TOP1: variants seen among roughly 807,000 people sequenced by gnomAD.
TOP1 encodes DNA topoisomerase I.
Under a neutral mutation model 111.1 loss-of-function variants are expected in TOP1, and 10 were observed. The ratio of observed to expected loss-of-function variants is 0.09; its 90% confidence interval spans 0.06 to 0.15. TOP1 has a LOEUF of 0.15. TOP1 is among the 10% of genes least tolerant of loss of function. The pLI, the probability that TOP1 is intolerant of heterozygous loss-of-function variation, is 1.00. For synonymous variants in TOP1, 271 were observed against 302.9 expected (o/e 0.89, Z 1.10); for missense variants, 474 against 926.7 (o/e 0.51, Z 6.34).
chr20:41,076,092 G>A (rs1314774683), intron 3 of TOP1, 79 bp from the exon 4 acceptor site: 2 of 1,490,420 alleles, frequency 1.3e-6, no homozygotes, highest in East Asian at 4.6e-5. Flanking sequence ...CACGGTTCAT[G>A]TTATCTTAGG....
intron 7 of TOP1, 52 bp from the exon 8 acceptor site, chr20:41,084,410 A>T (rs1405620228): frequency 1.7e-6 from 2 of 1,193,176 alleles, no homozygotes; most frequent in African/African-American, 1.6e-5. Context: ...AACTGCCTCC[A>T]GAAGTGTGAT....
Position 41,029,737 on chromosome 20 carries a change from A to G in TOP1, c.58+282A>G. 1 of 530,062 alleles carries G rather than the reference A, an allele frequency of 1.9e-6. No individual in the cohort carries two copies. Among genetic ancestry groups the G allele is most frequent in the Non-Finnish European group, 3.4e-6 (1 of 293,282 alleles). 32.8% of individuals were successfully genotyped at this position (530,062 alleles called of 1,614,324 possible). Reference sequence around the variant, plus strand: ...TCCGGGCCGGGATTCCTCCCGGGAAAGTCGCCTTGTCGACGGTCGGGACTT... The same window carrying G: ...TCCGGGCCGGGATTCCTCCCGGGAAGGTCGCCTTGTCGACGGTCGGGACTT... On this transcript the variant is annotated intron_variant, in intron 2 of 20. Coordinates refer to ENST00000361337, the MANE Select transcript of TOP1 (RefSeq NM_003286.4). The surrounding 1 kb of genome is among the most constrained non-coding windows in gnomAD (Gnocchi z 6.1).
rs371154617 is a variant in TOP1, at chr20:41,097,742, C to T, written c.852+401C>T. On this transcript the variant is annotated intron_variant, in intron 10 of 20. Transcript: ENST00000361337. The surrounding 1 kb of genome is among the most constrained non-coding windows in gnomAD (Gnocchi z 4.2). ...TTTTAGGTACTTTCTACTCTTGAAA[C>T]CACATATACTATATTTGCCTAGGTG... Among the ~76,000 whole-genome samples, 3 of 152,202 alleles carry T rather than the reference C, an allele frequency of 2.0e-5. No homozygotes were observed. Among genetic ancestry groups the T allele is most frequent in the African/African-American group, 7.2e-5 (3 of 41,456 alleles).
chr20:41,086,028 C>T (rs1376606654), intron 8 of TOP1, among the ~76,000 whole-genome samples: 9 of 152,102 alleles, frequency 5.9e-5, no homozygotes, highest in Admixed American at 5.2e-4. Context: ...TTTGGGAGGC[C>T]GAGGCTGGTG....
rs1182294326 is a variant in TOP1, at chr20:41,121,891, GT to G, written c.2045+102del. On this transcript the variant is annotated intron_variant, in intron 19 of 20. Transcript: ENST00000361337. This position sits in a 1 kb window ranked among gnomAD's most constrained non-coding sequence, Gnocchi z 4.2. ...GGCTTTTCGATGGTTTCTGAGAAAT[GT>G]CTTTTGGAAATCTCTATACTAGGGC... 19 of 1,556,918 alleles carry G rather than the reference GT, an allele frequency of 1.2e-5. No individual in the cohort carries two copies. The highest frequency in any genetic ancestry group is 1.7e-5 in the Non-Finnish European group (19 of 1,140,438).
chr20:41,053,459 T>G (rs1443409674), intron 2 of TOP1, among the ~76,000 whole-genome samples: 2 of 152,092 alleles, frequency 1.3e-5, no homozygotes, highest in African/African-American at 4.8e-5. Flanking sequence ...ACTCTTAGAC[T>G]TTTTTTCCCC....
intron 3 of TOP1, among the ~76,000 whole-genome samples, chr20:41,073,658 T>C (rs1163579547): frequency 6.6e-6 from 1 of 152,228 alleles, no homozygotes; most frequent in Non-Finnish European, 1.5e-5. Flanking sequence ...ATCCCAGCTT[T>C]TCTTTTAACA....
chr20:41,116,816 C>T lies in TOP1; in HGVS notation c.1822+424C>T, dbSNP rs1477248260. Among the ~76,000 whole-genome samples, 4 of 152,064 alleles carry T rather than the reference C, an allele frequency of 2.6e-5. No individual in the cohort carries two copies. The East Asian group carries it at 7.7e-4, about 29-fold the overall frequency. ...TTTTTTTCCCATAAGAGAGTAGATA[C>T]TTTCTATAGCTGATTTTTAGAATAT... On this transcript the variant is annotated intron_variant, in intron 17 of 20. Coordinates refer to ENST00000361337, the MANE Select transcript of TOP1 (RefSeq NM_003286.4). This position sits in a 1 kb window ranked among gnomAD's most constrained non-coding sequence, Gnocchi z 5.6.
rs1171119780 is a variant in TOP1 at position 41,079,887 on chromosome 20, C to T, written c.336-198C>T. Among the ~76,000 whole-genome samples, 1 of 152,232 alleles carries T rather than the reference C, an allele frequency of 6.6e-6. No homozygotes were observed. Among genetic ancestry groups the T allele is most frequent in the African/African-American group, 2.4e-5 (1 of 41,450 alleles). On this transcript the variant is annotated intron_variant, in intron 5 of 20. Coordinates refer to ENST00000361337, the MANE Select transcript of TOP1 (RefSeq NM_003286.4). The surrounding 1 kb of genome is among the most constrained non-coding windows in gnomAD (Gnocchi z 4.0). ...ATCCCAAATCCTGATATTGCCCATT[C>T]ACCTGTACAATGAGGACAAATACTA... is the stretch of plus-strand genomic sequence containing the variant.
Position 41,106,563 on chromosome 20 carries a change from G to A in TOP1, c.1308+5210G>A, listed in dbSNP as rs1172778053. Reference sequence around the variant, plus strand: ...CTCCATTAATTCATGTCTTTTGAATGTATCCACCAATATGGTTTTGTAATT... The same window carrying A: ...CTCCATTAATTCATGTCTTTTGAATATATCCACCAATATGGTTTTGTAATT... On this transcript the variant is annotated intron_variant, in intron 13 of 20. Transcript: ENST00000361337. The surrounding 1 kb of genome is among the most constrained non-coding windows in gnomAD (Gnocchi z 4.3). 1.3e-5 allele frequency among the ~76,000 whole-genome samples: 2 copies of A among 152,090 alleles called. No individual in the cohort carries two copies. Among genetic ancestry groups the A allele is most frequent in the African/African-American group, 2.4e-5 (1 of 41,406 alleles).
intron 2 of TOP1, among the ~76,000 whole-genome samples, chr20:41,045,774 T>C (rs1206838109): frequency 6.6e-6 from 1 of 152,222 alleles, no homozygotes; most frequent in East Asian, 1.9e-4. Flanking sequence ...GAATCAAAGA[T>C]TGTAGACTAC....
At position 41,115,199 on chromosome 20, in the gene TOP1, A is replaced by T. The variant is rs894719926; in HGVS notation, c.1639-172A>T. 6.6e-6 allele frequency among the ~76,000 whole-genome samples: 1 copy of T among 152,124 alleles called. No individual in the cohort carries two copies. The highest frequency in any genetic ancestry group is 1.5e-5 in the Non-Finnish European group (1 of 68,032). On this transcript the variant is annotated intron_variant, in intron 15 of 20. Transcript: ENST00000361337. This position sits in a 1 kb window ranked among gnomAD's most constrained non-coding sequence, Gnocchi z 6.3. ...ATACACATGGAGAGAGTGAGCATAC[A>T]TGCACACTGTGCAAATGATGAATGG...
rs1321933710 is a variant in TOP1 at position 41,094,511 on chromosome 20, C to T, written c.730+1924C>T. Among the ~76,000 whole-genome samples, 1 of 152,160 alleles carries T rather than the reference C, an allele frequency of 6.6e-6. No individual in the cohort carries two copies. The highest frequency in any genetic ancestry group is 1.5e-5 in the Non-Finnish European group (1 of 68,028). On this transcript the variant is annotated intron_variant, in intron 9 of 20. Transcript: ENST00000361337. This position sits in a 1 kb window ranked among gnomAD's most constrained non-coding sequence, Gnocchi z 4.4. ...TTCTCTTCCTTTTCAAGATAGGAAG[C>T]AGAGGCCTGGTCTAGTTCACAGGTT...
intron 2 of TOP1, among the ~76,000 whole-genome samples, chr20:41,054,347 A>G (rs1286120197): frequency 6.7e-6 from 1 of 148,528 alleles, no homozygotes; most frequent in African/African-American, 2.5e-5. Context: ...CCTTGCTGCC[A>G]TCATTTGAAG....
intron 14 of TOP1, among the ~76,000 whole-genome samples, 155 bp from the exon 15 acceptor site, chr20:41,113,815 G>A (rs1322944892): frequency 1.3e-5 from 2 of 151,048 alleles, no homozygotes; most frequent in East Asian, 1.9e-4. Flanking sequence ...CCCGGGAGAC[G>A]GAGCTTGCAG....
chr20:41,050,478 C>G (rs1600559658), intron 2 of TOP1, among the ~76,000 whole-genome samples: 2 of 152,332 alleles, frequency 1.3e-5, no homozygotes, highest in South Asian at 4.1e-4. Context: ...TGGAAATGTT[C>G]TCCTTGAGAA....
At chr20:41,042,618 A>T (rs1300111487) in intron 2 of TOP1, among the ~76,000 whole-genome samples, 1 of 152,228 alleles carries the variant, frequency 6.6e-6, no homozygotes, top group African/African-American at 2.4e-5. Context: ...TACTGATTGA[A>T]ATGGAAGCAT....
Position 41,116,212 on chromosome 20 carries a change from C to A in TOP1, c.1708-66C>A. 9.6e-7 allele frequency: 1 copy of A among 1,044,658 alleles called. No individual in the cohort carries two copies. The highest frequency in any genetic ancestry group is 1.5e-6 in the Non-Finnish European group (1 of 676,332). 64.7% of individuals were successfully genotyped at this position (1,044,658 alleles called of 1,614,324 possible). ...TGTGACTGCACTGGCATAAATTACT[C>A]CTAGGGCTGCCAGAAGGAGCAGGTA... On this transcript the variant is annotated intron_variant, in intron 16 of 20. Coordinates refer to ENST00000361337, the MANE Select transcript of TOP1 (RefSeq NM_003286.4). This position sits in a 1 kb window ranked among gnomAD's most constrained non-coding sequence, Gnocchi z 5.6.
At position 41,118,362 on chromosome 20, in the gene TOP1, C is replaced by A. The variant is rs2145970534; in HGVS notation, c.1950+66C>A. The A allele has an allele frequency of 1.3e-6, 2 of 1,588,500 alleles. No homozygotes were observed. Among genetic ancestry groups the A allele is most frequent in the Non-Finnish European group, 1.7e-6 (2 of 1,161,684 alleles). The stretch of plus-strand genomic sequence containing the variant: ...CAGATTATCTGCGAATGAGAGGATT[C>A]AGGGCTGAGATATCAGCAGGCCAGT... On this transcript the variant is annotated intron_variant, in intron 18 of 20. Transcript: ENST00000361337. The surrounding 1 kb of genome is among the most constrained non-coding windows in gnomAD (Gnocchi z 4.6).
Sources: gnomAD v4.1 joint callset for allele counts (sites outside exome capture counted in the v4.1 genomes callset) on GRCh38, gnomAD v4.1.1 for gene constraint, Gnocchi (gnomAD v3.1) non-coding constraint, MANE v1.5 for transcripts, NCBI Gene and HGNC (gene_info 2026-07-23, HGNC 2026-07-21) for gene names.